Variants in FLNB observed in about 807,000 individuals in gnomAD.
The protein encoded by FLNB is filamin-B.
In FLNB, 111 loss-of-function variants were observed where a neutral mutation model predicts 250.6. That is an observed-to-expected ratio of 0.44 (90% CI 0.38 to 0.52). The LOEUF (loss-of-function observed/expected upper bound fraction) is 0.52, where lower values mean the gene tolerates loss of function less well. Ranked by LOEUF, FLNB falls within the 20% of genes least tolerant of loss-of-function variation. The pLI is 0.00. For synonymous variants in FLNB, 1,302 were observed against 1,372.1 expected (o/e 0.95, Z 1.13); for missense variants, 2,869 against 3,447.8 (o/e 0.83, Z 4.20).
Position 58,096,081 on chromosome 3 carries a change from C to T in FLNB, c.907-60C>T. The T allele has an allele frequency of 2.3e-6, 3 of 1,331,970 alleles. No homozygotes were observed. The South Asian group carries it at 3.6e-5, about 16-fold the overall frequency. The allele number at this position is 1,331,970 out of a possible 1,614,324, so 82.5% of individuals were successfully genotyped here. A position where few individuals can be genotyped will look rare whatever the true frequency, so the allele number is the denominator to read the frequency against. ...AGCTCCTGCAGAACCCCTGCTGACA[C>T]AGCATGCTCCTTACTCACACCCGGC... On this transcript the variant is annotated intron_variant, in intron 5 of 45. Transcript: ENST00000295956.
At chr3:58,151,465 G>A (rs941453162) in intron 38 of FLNB, 5 of 151,476 alleles carry the variant, frequency 3.3e-5, no homozygotes, top group Non-Finnish European at 4.4e-5. Flanking sequence ...GCCTCAAGGT[G>A]GGGGGAGGAA....
chr3:58,056,113 T>TTA (rs1559661932), intron 1 of FLNB, among the ~76,000 whole-genome samples: 52 of 131,654 alleles, frequency 3.9e-4, no homozygotes, highest in African/African-American at 1.5e-3. Context: ...TTATTTTTTT[T>TTA]TTTTTTGAGG....
chr3:58,146,096 A>C (rs777398391), intron 33 of FLNB, 47 bp downstream of exon 33: 1 of 1,609,626 alleles, frequency 6.2e-7, no homozygotes, highest in African/African-American at 1.3e-5. Flanking sequence ...GTCCATTTGG[A>C]GGGTGAAGTG....
rs756861578 is a variant in FLNB, at chr3:58,124,458, A to G, written c.3851A>G (p.Asp1284Gly). 1.2e-6 allele frequency: 2 copies of G among 1,614,200 alleles called. No individual in the cohort carries two copies. The highest frequency in any genetic ancestry group is 1.7e-6 in the Non-Finnish European group (2 of 1,180,022). Residue 1284 changes from aspartate to glycine, a missense_variant, in exon 22 of 46, where the codon GAC (aspartate) becomes GGC (glycine). Transcript: ENST00000295956. ...SGASTECFVT[D>G]NADGTYQVEY... ...GCCTCCACCGAGTGCTTTGTCACAGACAATGCGGATGGGACCTACCAGGTG... is the reference window on the plus strand; with the variant it reads ...GCCTCCACCGAGTGCTTTGTCACAGGCAATGCGGATGGGACCTACCAGGTG...
chr3:58,123,053 C>T (rs746362264), intron 20 of FLNB, 40 bp from the exon 21 acceptor site: 24 of 1,553,006 alleles, frequency 1.5e-5, no homozygotes, highest in East Asian at 2.2e-5. Context: ...GGCTGAGCAG[C>T]GATCCCAGTG....
intron 1 of FLNB, among the ~76,000 whole-genome samples, chr3:58,027,487 G>C (rs543361862): frequency 1.3e-5 from 2 of 152,072 alleles, no homozygotes; most frequent in African/African-American, 4.8e-5. Flanking sequence ...TCACCATGTT[G>C]GCCAGGCTGG....
At chr3:58,116,751 G>A (rs533423300) in intron 18 of FLNB, among the ~76,000 whole-genome samples, 52 of 152,290 alleles carry the variant, frequency 3.4e-4, no homozygotes, top group African/African-American at 1.2e-3. Context: ...TTGGTTGTGG[G>A]TGGCTTCAAG....
intron 21 of FLNB, among the ~76,000 whole-genome samples, 191 bp from the exon 22 acceptor site, chr3:58,124,141 G>A (rs751574285): frequency 6.6e-6 from 1 of 152,130 alleles, no homozygotes; most frequent in Non-Finnish European, 1.5e-5. Flanking sequence ...TCACTTAGCC[G>A]TGGCTACTCT....
At position 58,097,811 on chromosome 3, in the gene FLNB, A is replaced by G. The variant is rs1003914356; in HGVS notation, c.985-4A>G. On this transcript the variant is annotated splice_polypyrimidine_tract_variant and splice_region_variant and intron_variant, in intron 6 of 45. Coordinates refer to ENST00000295956, the MANE Select transcript of FLNB (RefSeq NM_001457.4). ...TGTATTTCTCACCTATCTGTCACCT[A>G]TAGGTCACAGTCCTCTTTGCAGGAC... 34 of 1,613,758 alleles carry G rather than the reference A, an allele frequency of 2.1e-5. No homozygotes were observed. The highest frequency in any genetic ancestry group is 1.7e-4 in the Middle Eastern group (1 of 6,052).
At chr3:58,079,504 G>C (rs1365917573) in intron 3 of FLNB, among the ~76,000 whole-genome samples, 1 of 152,200 alleles carries the variant, frequency 6.6e-6, no homozygotes, top group Non-Finnish European at 1.5e-5. Context: ...GCCCGCCTCA[G>C]CCTCCCAAAG....
chr3:58,091,950 A>C (rs2097228387), intron 4 of FLNB, among the ~76,000 whole-genome samples: 1 of 152,218 alleles, frequency 6.6e-6, no homozygotes, highest in African/African-American at 2.4e-5. Context: ...ATACAGGCTA[A>C]AGACTGGGAG....
chr3:58,100,869 G>A (rs1432510256), intron 8 of FLNB, among the ~76,000 whole-genome samples: 2 of 151,920 alleles, frequency 1.3e-5, no homozygotes, highest in African/African-American at 4.8e-5. Context: ...AAAATGCTGG[G>A]TTTACAGGCA....
At chr3:58,128,428 C>A (rs1268843219) in intron 24 of FLNB, among the ~76,000 whole-genome samples, 2 of 152,184 alleles carry the variant, frequency 1.3e-5, no homozygotes, top group African/African-American at 4.8e-5. Flanking sequence ...AATCACTAGT[C>A]TAGGGGACTT....
chr3:58,060,139 A>AGCTC (rs2097175883), intron 1 of FLNB, among the ~76,000 whole-genome samples: 1 of 152,178 alleles, frequency 6.6e-6, no homozygotes, highest in Non-Finnish European at 1.5e-5. Flanking sequence ...ATAATGGACA[A>AGCTC]GCTCTCCTAG....
chr3:58,061,739 C>T (rs945395475), intron 1 of FLNB, among the ~76,000 whole-genome samples: 1 of 145,020 alleles, frequency 6.9e-6, no homozygotes, highest in East Asian at 2.1e-4. Flanking sequence ...ACCCTGTCTC[C>T]CCCTGGCCTC....
intron 24 of FLNB, 97 bp downstream of exon 24, chr3:58,126,859 A>G (rs2097298842): frequency 9.2e-7 from 1 of 1,082,882 alleles, no homozygotes; most frequent in Non-Finnish European, 1.4e-6. Context: ...AAACAATCTG[A>G]TATTTGTAAT....
chr3:58,166,188 T>C (rs745535524), intron 43 of FLNB: 6 of 152,212 alleles, frequency 3.9e-5, no homozygotes, highest in Non-Finnish European at 7.3e-5. Flanking sequence ...AACAGCCAAG[T>C]AGTAGCTCTT....
intron 29 of FLNB, among the ~76,000 whole-genome samples, chr3:58,139,276 C>CT (rs2097322234): frequency 1.3e-5 from 2 of 152,126 alleles, no homozygotes; most frequent in South Asian, 4.1e-4. Context: ...GCATCGTTGG[C>CT]TTTTTTACAA....
chr3:58,135,662 G>A (rs756514005), intron 27 of FLNB, among the ~76,000 whole-genome samples: 3 of 152,144 alleles, frequency 2.0e-5, no homozygotes, highest in Non-Finnish European at 4.4e-5. Context: ...AAGAGAAAAG[G>A]GAGACTGGAT....
Sources: allele counts gnomAD v4.1 joint callset (sites outside exome capture counted in the v4.1 genomes callset), GRCh38; gene constraint gnomAD v4.1.1; transcripts MANE v1.5; gene names NCBI Gene and HGNC (gene_info 2026-07-23, HGNC 2026-07-21).